Variants in CCSER1 observed in about 807,000 individuals in gnomAD.
CCSER1 encodes the protein coiled-coil serine rich protein 1, also known as serine-rich coiled-coil domain-containing protein 1.
Under a neutral mutation model 82.0 loss-of-function variants are expected in CCSER1, and 41 were observed. The ratio of observed to expected loss-of-function variants is 0.50; its 90% CI spans 0.39 to 0.65. The LOEUF is 0.65. CCSER1 is among the 30% of genes least tolerant of loss of function. The pLI, the probability that CCSER1 is intolerant of heterozygous loss-of-function variation, is 0.00. For synonymous variants in CCSER1, 414 were observed against 383.9 expected (o/e 1.08, Z -0.92); for missense variants, 1,119 against 1,064.2 (o/e 1.05, Z -0.72).
chr4:91,220,287 C>T (rs557527081), intron 10 of CCSER1, among the ~76,000 whole-genome samples: 29 of 152,144 alleles, frequency 1.9e-4, no homozygotes, highest in Non-Finnish European at 2.5e-4. Flanking sequence ...TAAGAATTGC[C>T]CCTGGAAATG....
At chr4:90,408,001 T>G (rs991632315) in intron 4 of CCSER1, among the ~76,000 whole-genome samples, 2 of 152,128 alleles carry the variant, frequency 1.3e-5, no homozygotes, top group Admixed American at 6.5e-5. Flanking sequence ...CGCGCATGGC[T>G]CAGAGGGTCC....
At chr4:90,502,145 A>G (rs1769980347) in intron 5 of CCSER1, among the ~76,000 whole-genome samples, 1 of 152,164 alleles carries the variant, frequency 6.6e-6, no homozygotes, top group Non-Finnish European at 1.5e-5. Context: ...ACTACCTGAG[A>G]CTGGGTAATT....
intron 3 of CCSER1, among the ~76,000 whole-genome samples, chr4:90,341,249 T>G (rs1177653916): frequency 2.0e-5 from 3 of 152,068 alleles, no homozygotes; most frequent in Non-Finnish European, 2.9e-5. Context: ...TCAGTGAAAG[T>G]GTTATTTGTT....
rs1290395545 is a variant in CCSER1 at position 91,604,318 on chromosome 4, T to C, written c.*5261T>C. On this transcript the variant is annotated 3_prime_UTR_variant, in exon 11 of 11. Coordinates refer to ENST00000509176, the MANE Select transcript of CCSER1 (RefSeq NM_001145065.2). ...CTTTACTCCTAAACTTCCATTGATA[T>C]TGCTAGGGACAAAAAATTAAGCAAT... The C allele has an allele frequency of 6.6e-6, 1 of 152,106 alleles. No homozygotes were observed. The highest frequency in any genetic ancestry group is 1.5e-5 in the Non-Finnish European group (1 of 67,978). The allele number at this position is 152,106 out of a possible 1,614,324, so 9.4% of individuals were successfully genotyped here. A position where few individuals can be genotyped will look rare whatever the true frequency, so the allele number is the denominator to read the frequency against.
chr4:90,334,731 A>G (rs956726255), intron 3 of CCSER1, among the ~76,000 whole-genome samples: 3 of 152,194 alleles, frequency 2.0e-5, no homozygotes, highest in African/African-American at 7.2e-5. Flanking sequence ...GAGAATGGCA[A>G]TAATGACGTT....
intron 7 of CCSER1, among the ~76,000 whole-genome samples, chr4:90,766,919 T>C (rs1751328557): frequency 6.6e-6 from 1 of 152,096 alleles, no homozygotes; most frequent in African/African-American, 2.4e-5. Flanking sequence ...ACTCTGTAGT[T>C]TGGAGAGCTA....
intron 10 of CCSER1, among the ~76,000 whole-genome samples, chr4:91,158,638 G>A (rs1731061572): frequency 6.6e-6 from 1 of 151,800 alleles, no homozygotes; most frequent in Non-Finnish European, 1.5e-5. Flanking sequence ...GTGTGTGTGT[G>A]TGTGTGTGTC....
At chr4:90,520,509 T>G (rs1266741749) in intron 5 of CCSER1, among the ~76,000 whole-genome samples, 4 of 152,196 alleles carry the variant, frequency 2.6e-5, no homozygotes, top group Non-Finnish European at 4.4e-5. Context: ...TCTTGTTGGC[T>G]TTCTTCACTA....
chr4:91,436,798 C>T (rs746632443), intron 10 of CCSER1, among the ~76,000 whole-genome samples: 1 of 152,160 alleles, frequency 6.6e-6, no homozygotes, highest in Non-Finnish European at 1.5e-5. Context: ...GTCAAAGCCA[C>T]AGAGAAAGTC....
rs925081177 is a variant in CCSER1 at position 90,933,248 on chromosome 4, C to A, written c.2172+9801C>A. On this transcript the variant is annotated intron_variant, in intron 9 of 10. Transcript: ENST00000509176. ...TGTCGCCGAGGCTGGAGTGCGGAGG[C>A]GCGGTCTCGGCTCACTGCAATCTCC... is the stretch of plus-strand genomic sequence containing the variant. 2.7e-5 allele frequency among the ~76,000 whole-genome samples: 4 copies of A among 150,214 alleles called. No homozygotes were observed. In the South Asian group the frequency reaches 8.4e-4, roughly 31 times the overall value.
At chr4:90,560,806 T>C (rs1223557507) in intron 5 of CCSER1, among the ~76,000 whole-genome samples, 1 of 152,164 alleles carries the variant, frequency 6.6e-6, no homozygotes, top group South Asian at 2.1e-4. Flanking sequence ...AGTAGTTTTT[T>C]AAAAATAGCT....
intron 1 of CCSER1, among the ~76,000 whole-genome samples, chr4:90,176,624 A>T (rs538931984): frequency 1.8e-4 from 27 of 152,120 alleles, no homozygotes; most frequent in Admixed American, 1.6e-3. Context: ...GAGTTGTCTT[A>T]CTTTTGGACC....
chr4:91,219,308 CTTT>C (rs59884169), intron 10 of CCSER1, among the ~76,000 whole-genome samples: 201 of 99,908 alleles, frequency 2.0e-3, no homozygotes, highest in African/African-American at 6.8e-3. Context: ...TACAGTTTGG[CTTT>C]TTTTTTTTTT....
intron 10 of CCSER1, among the ~76,000 whole-genome samples, chr4:91,165,470 G>A (rs1469751110): frequency 6.6e-6 from 1 of 152,180 alleles, no homozygotes; most frequent in Non-Finnish European, 1.5e-5. Context: ...AGAACTGTCA[G>A]ACAGGGACGT....
At chr4:91,488,176 C>T (rs974162851) in intron 10 of CCSER1, among the ~76,000 whole-genome samples, 2 of 152,006 alleles carry the variant, frequency 1.3e-5, no homozygotes, top group South Asian at 2.1e-4. Flanking sequence ...TTCGCATAAG[C>T]GGTTATCCAA....
At chr4:90,479,738 G>A (rs1380792678) in intron 5 of CCSER1, among the ~76,000 whole-genome samples, 2 of 152,058 alleles carry the variant, frequency 1.3e-5, no homozygotes, top group African/African-American at 4.8e-5. Flanking sequence ...AGTATTCTAC[G>A]GTGTATATGT....
chr4:91,198,838 G>A (rs553448549), intron 10 of CCSER1, among the ~76,000 whole-genome samples: 15 of 152,220 alleles, frequency 9.9e-5, no homozygotes, highest in Middle Eastern at 3.4e-3. Flanking sequence ...ATTTGCTGAC[G>A]TAATAATGAA....
intron 10 of CCSER1, among the ~76,000 whole-genome samples, chr4:91,484,885 A>C (rs1758135500): frequency 6.6e-6 from 1 of 152,196 alleles, no homozygotes; most frequent in African/African-American, 2.4e-5. Context: ...AAAAGTCTAA[A>C]TCGATACCTG....
chr4:90,408,642 T>C (rs535942403), intron 4 of CCSER1, among the ~76,000 whole-genome samples: 1 of 152,156 alleles, frequency 6.6e-6, no homozygotes, highest in South Asian at 2.1e-4. Context: ...TACGTCACCA[T>C]CATCAAAGAC....
Sources: allele counts gnomAD v4.1 joint callset (sites outside exome capture counted in the v4.1 genomes callset), GRCh38; gene constraint gnomAD v4.1.1; transcripts MANE v1.5; gene names NCBI Gene and HGNC (gene_info 2026-07-23, HGNC 2026-07-21).